PLEKHA8: variants seen among roughly 807,000 people sequenced by gnomAD.
The protein encoded by PLEKHA8 is pleckstrin homology domain containing A8.
Under a neutral mutation model 68.2 loss-of-function variants are expected in PLEKHA8, and 36 were observed. The ratio of observed to expected loss-of-function variants is 0.53; its 90% CI spans 0.40 to 0.70. The LOEUF (loss-of-function observed/expected upper bound fraction) is 0.70, where lower values mean the gene tolerates loss of function less well. PLEKHA8 is among the 30% of genes least tolerant of loss of function. The probability of loss-of-function intolerance (pLI) is 0.00; values close to 1 mark genes in which losing one functional copy is unlikely to be tolerated. For missense variants in PLEKHA8, 505 were observed against 615.4 expected, an observed-to-expected ratio of 0.82 and a Z score of 1.90; for synonymous variants, 211 against 216.1, an observed-to-expected ratio of 0.98 and a Z score of 0.20.
intron 13 of PLEKHA8, chr7:30,115,982 ATG>A (rs373744571): frequency 2.4e-4 from 34 of 139,552 alleles, no homozygotes; most frequent in African/African-American, 8.7e-4. Flanking sequence ...GCATGCATGC[ATG>A]TATGCATACG....
chr7:30,078,567 T>A (rs1031874900), intron 13 of PLEKHA8, 23 bp from the exon 14 acceptor site: 2 of 1,612,218 alleles, frequency 1.2e-6, no homozygotes, highest in Non-Finnish European at 1.7e-6. Flanking sequence ...TGATGCAGAT[T>A]CTCATGGGTT....
At chr7:30,053,609 A>C (rs1230374621) in intron 7 of PLEKHA8, among the ~76,000 whole-genome samples, 1 of 152,226 alleles carries the variant, frequency 6.6e-6, no homozygotes, top group Non-Finnish European at 1.5e-5. Flanking sequence ...GTAAATAATA[A>C]AGACAGAAGA....
chr7:30,069,188 A>G (rs749141647), intron 12 of PLEKHA8, among the ~76,000 whole-genome samples: 2 of 152,158 alleles, frequency 1.3e-5, no homozygotes, highest in African/African-American at 2.4e-5. Context: ...CCCGGTGCCT[A>G]TCTGTTTCCC....
At chr7:30,073,563 TAAAAAAAAAAA>T (rs35738941) in intron 12 of PLEKHA8, among the ~76,000 whole-genome samples, 22 of 111,766 alleles carry the variant, frequency 2.0e-4, no homozygotes, top group African/African-American at 7.1e-4. Context: ...TTGTGTTTCT[TAAAAAAAAAAA>T]AAAAAAAAAA....
intron 1 of PLEKHA8, among the ~76,000 whole-genome samples, chr7:30,029,880 G>T (rs1790525727): frequency 6.6e-6 from 1 of 152,230 alleles, no homozygotes; most frequent in South Asian, 2.1e-4. Context: ...CACAGCCAAA[G>T]GTGCCCCTAT....
intron 9 of PLEKHA8, among the ~76,000 whole-genome samples, chr7:30,056,581 T>C (rs948860927): frequency 8.1e-5 from 12 of 147,734 alleles, no homozygotes; most frequent in Non-Finnish European, 1.6e-4. Flanking sequence ...ATACAAAAAT[T>C]AGCTGAGTGT....
At chr7:30,111,658 C>T (rs562331822) in intron 13 of PLEKHA8, among the ~76,000 whole-genome samples, 1 of 150,984 alleles carries the variant, frequency 6.6e-6, no homozygotes, top group South Asian at 2.1e-4. Flanking sequence ...CTCGTTCTGT[C>T]ATCTAGGCTG....
At chr7:30,129,690 ACT>A (rs1425872968), downstream of PLEKHA8, 4 of 216,056 alleles carry the variant, frequency 1.9e-5, no homozygotes, top group South Asian at 8.1e-5. Flanking sequence ...CCCCCATCTC[ACT>A]CTCTCACACA....
rs751621777 is a variant in PLEKHA8 at position 30,052,699 on chromosome 7, A to T, written c.639-10A>T. 3.6e-5 allele frequency: 55 copies of T among 1,534,152 alleles called. No individual in the cohort carries two copies. Among genetic ancestry groups the T allele is most frequent in the Non-Finnish European group, 3.2e-5 (37 of 1,149,002 alleles). The stretch of plus-strand genomic sequence containing the variant: ...CCTTCTGGCTTTTTTTCCTTTTAAA[A>T]AATTTGCAGGCAAATGGAGTTGAGC... On this transcript the variant is annotated splice_polypyrimidine_tract_variant and intron_variant, in intron 6 of 13. Coordinates refer to ENST00000449726, the MANE Select transcript of PLEKHA8 (RefSeq NM_001197026.2).
Position 30,081,883 on chromosome 7 carries a change from A to G in PLEKHA8, c.*3096A>G, listed in dbSNP as rs1794949855. 1 of 984,666 alleles carries G rather than the reference A, an allele frequency of 1.0e-6. No homozygotes were observed. The highest frequency in any genetic ancestry group is 1.2e-6 in the Non-Finnish European group (1 of 829,200). 61.0% of individuals were successfully genotyped at this position (984,666 alleles called of 1,614,324 possible). ...GATCAGGGTGTATTTGTTGAATTAAACAAAATATTTTCAATGATGGCAAGT... is the reference window on the plus strand; with the variant it reads ...GATCAGGGTGTATTTGTTGAATTAAGCAAAATATTTTCAATGATGGCAAGT... On this transcript the variant is annotated 3_prime_UTR_variant, in exon 14 of 14. Coordinates refer to ENST00000449726, the MANE Select transcript of PLEKHA8 (RefSeq NM_001197026.2).
chr7:30,074,270 G>A (rs1434114931), intron 13 of PLEKHA8, 138 bp downstream of exon 13: 8 of 647,436 alleles, frequency 1.2e-5, no homozygotes, highest in Admixed American at 3.2e-5. Context: ...GTGTGTGTGT[G>A]TGTATGTGTG....
At chr7:30,047,762 T>C (rs1792067704) in intron 3 of PLEKHA8, 70 bp from the exon 4 acceptor site, 1 of 1,458,282 alleles carries the variant, frequency 6.9e-7, no homozygotes, top group African/African-American at 1.5e-5. Flanking sequence ...ATTCCTCTTC[T>C]GCATAGTATC....
At chr7:30,062,581 C>T (rs1793524647) in intron 11 of PLEKHA8, 91 bp from the exon 12 acceptor site, 4 of 904,858 alleles carry the variant, frequency 4.4e-6, no homozygotes, top group Non-Finnish European at 7.2e-6. Context: ...TAAGATGTTA[C>T]TGAAATGGAA....
intron 13 of PLEKHA8, among the ~76,000 whole-genome samples, chr7:30,102,865 C>A (rs1795901326): frequency 6.6e-6 from 1 of 152,200 alleles, no homozygotes; most frequent in Non-Finnish European, 1.5e-5. Context: ...CCAGTCAGGG[C>A]AAACACAGGG....
Position 30,049,260 on chromosome 7 carries a change from T to A in PLEKHA8, c.475T>A (p.Cys159Ser), listed in dbSNP as rs762627590. The change falls in exon 5 of 14, where the codon TGT (cysteine) becomes AGT (serine). Residue 159 changes from cysteine to serine, a missense_variant. By Grantham distance (112) the Cys-to-Ser change is moderately radical. Transcript: ENST00000449726. The stretch of plus-strand genomic sequence containing the variant: ...TGTGGGAACTTTGCTGAAATCAACC[T>A]GTAATACTTTTCTGAAGACCTTGGA... ...IDVGTLLKST[C>S]NTFLKTLEEC... The A allele has an allele frequency of 1.9e-6, 3 of 1,613,882 alleles. No individual in the cohort carries two copies. The South Asian group carries it at 3.3e-5, about 18-fold the overall frequency.
intron 13 of PLEKHA8, among the ~76,000 whole-genome samples, chr7:30,103,532 C>T (rs1341242966): frequency 6.6e-6 from 1 of 152,196 alleles, no homozygotes; most frequent in African/African-American, 2.4e-5. Flanking sequence ...AATTGCAAGA[C>T]TTTCTCGAAA....
intron 9 of PLEKHA8, among the ~76,000 whole-genome samples, chr7:30,056,330 A>ATG: frequency 1.5e-5 from 2 of 133,522 alleles, no homozygotes; most frequent in South Asian, 4.6e-4. Flanking sequence ...ATATATATAT[A>ATG]TAAATAACAT....
chr7:30,077,402 A>C (rs1794672698), intron 13 of PLEKHA8, among the ~76,000 whole-genome samples: 1 of 152,044 alleles, frequency 6.6e-6, no homozygotes, highest in Non-Finnish European at 1.5e-5. Flanking sequence ...GCCTTCTCTT[A>C]ATTTTCAGTT....
At chr7:30,128,656 T>C (rs1226388392) in intron 13 of PLEKHA8, among the ~76,000 whole-genome samples, 1 of 152,198 alleles carries the variant, frequency 6.6e-6, no homozygotes, top group African/African-American at 2.4e-5. Flanking sequence ...GCAGACACTG[T>C]TAGATGCCCT....
Sources: gnomAD v4.1 joint callset for allele counts (sites outside exome capture counted in the v4.1 genomes callset) on GRCh38, gnomAD v4.1.1 for gene constraint, MANE v1.5 for transcripts, NCBI Gene and HGNC (gene_info 2026-07-23, HGNC 2026-07-21) for gene names.